The following WDR70 variants were observed in gnomAD, a reference collection of about 807,000 sequenced individuals.
The protein encoded by WDR70 is WD repeat domain 70.
In WDR70, 53 loss-of-function variants were observed where a neutral mutation model predicts 88.6. The ratio of observed to expected loss-of-function variants is 0.60; its 90% CI spans 0.48 to 0.75. WDR70 has a LOEUF of 0.75. Ranked by LOEUF, WDR70 falls within the 30% of genes least tolerant of loss-of-function variation. The pLI, the probability that WDR70 is intolerant of heterozygous loss-of-function variation, is 0.00. For missense variants in WDR70, 610 were observed against 823.2 expected, an observed-to-expected ratio of 0.74 and a Z score of 3.17; for synonymous variants, 280 against 270.0, an observed-to-expected ratio of 1.04 and a Z score of -0.36.
At chr5:37,730,572 A>T (rs1748118052) in intron 17 of WDR70, among the ~76,000 whole-genome samples, 1 of 152,236 alleles carries the variant, frequency 6.6e-6, no homozygotes, top group African/African-American at 2.4e-5. Flanking sequence ...GTACGAATTT[A>T]TCATAGTTAA....
intron 8 of WDR70, 112 bp from the exon 9 acceptor site, chr5:37,516,402 C>A: frequency 3.6e-6 from 2 of 550,374 alleles, no homozygotes; most frequent in East Asian, 3.0e-5. Context: ...AAATGGTGCC[C>A]TTTTGGGGGA....
In WDR70 at chr5:37,663,994, A is replaced by G. The variant is rs557128675; in HGVS notation, c.1093-33661A>G. On this transcript the variant is annotated intron_variant, in intron 10 of 17. Coordinates refer to ENST00000265107, the MANE Select transcript of WDR70 (RefSeq NM_018034.4). ...TAACTTTTTTTATTGCCAGGTTTCT[A>G]CCCAGAGTAGACTATATTTGCAACA... Among the ~76,000 whole-genome samples, 3 of 152,264 alleles carry G rather than the reference A, an allele frequency of 2.0e-5. No homozygotes were observed. The East Asian group carries it at 5.8e-4, about 29-fold the overall frequency.
chr5:37,436,428 G>T (rs1164671827), intron 5 of WDR70, among the ~76,000 whole-genome samples: 1 of 152,084 alleles, frequency 6.6e-6, no homozygotes, highest in African/African-American at 2.4e-5. Flanking sequence ...TAGCATTTCT[G>T]GCTTTTTCTG....
intron 9 of WDR70, among the ~76,000 whole-genome samples, chr5:37,518,689 T>G (rs1740972051): frequency 6.6e-6 from 1 of 151,716 alleles, no homozygotes; most frequent in African/African-American, 2.4e-5. Flanking sequence ...TCTTTTTTTT[T>G]TTTTTTTTTT....
chr5:37,588,806 C>G (rs1743439317), intron 9 of WDR70, among the ~76,000 whole-genome samples: 1 of 151,890 alleles, frequency 6.6e-6, no homozygotes, highest in Non-Finnish European at 1.5e-5. Context: ...TTCTGTCACC[C>G]AGGTTAGAGT....
chr5:37,630,807 G>T (rs1744793418), intron 10 of WDR70, among the ~76,000 whole-genome samples: 1 of 152,200 alleles, frequency 6.6e-6, no homozygotes, highest in Non-Finnish European at 1.5e-5. Flanking sequence ...CATTCCAGAG[G>T]TGCCTCAGGT....
chr5:37,393,345 A>G (rs1393419376), intron 4 of WDR70, among the ~76,000 whole-genome samples: 8 of 152,002 alleles, frequency 5.3e-5, no homozygotes, highest in Admixed American at 5.2e-4. Flanking sequence ...CAGCGTTATT[A>G]TTCTTTTTTT....
chr5:37,524,149 G>T (rs1393654591), intron 9 of WDR70, among the ~76,000 whole-genome samples: 2 of 152,064 alleles, frequency 1.3e-5, no homozygotes, highest in East Asian at 3.9e-4. Context: ...GATACTCCTC[G>T]AGAAGAGCAA....
At chr5:37,709,615 A>G (rs1390200350) in intron 13 of WDR70, among the ~76,000 whole-genome samples, 1 of 144,494 alleles carries the variant, frequency 6.9e-6, no homozygotes, top group Non-Finnish European at 1.5e-5. Flanking sequence ...TTGCCAGTAC[A>G]TGTTTCTTTC....
intron 8 of WDR70, among the ~76,000 whole-genome samples, chr5:37,483,161 G>T: frequency 6.7e-6 from 1 of 149,190 alleles, no homozygotes; most frequent in African/African-American, 2.5e-5. Context: ...GGGGGATTTG[G>T]CAGGGTCACA....
At chr5:37,380,413 A>G (rs1012087087) in intron 2 of WDR70, among the ~76,000 whole-genome samples, 5 of 151,800 alleles carry the variant, frequency 3.3e-5, no homozygotes, top group African/African-American at 1.2e-4. Context: ...ATCTCGGCTC[A>G]CTGCAATCTC....
chr5:37,499,718 T>TA (rs1417829346), intron 8 of WDR70, among the ~76,000 whole-genome samples: 1 of 151,294 alleles, frequency 6.6e-6, no homozygotes, highest in Non-Finnish European at 1.5e-5. Flanking sequence ...CGCTCCTGGC[T>TA]AATGTTTTGT....
At position 37,503,685 on chromosome 5, in the gene WDR70, T is replaced by A. The variant is rs544438091; in HGVS notation, c.841-12829T>A. 4.6e-5 allele frequency among the ~76,000 whole-genome samples: 7 copies of A among 152,344 alleles called. No individual in the cohort carries two copies. The East Asian group carries it at 1.3e-3, about 29-fold the overall frequency. ...ATCTTTTGGAATAGTTTCAGTAGGA[T>A]TGGCACCACTTCTTCTTAGAAGGTG... is the stretch of plus-strand genomic sequence containing the variant. On this transcript the variant is annotated intron_variant, in intron 8 of 17. Coordinates refer to ENST00000265107, the MANE Select transcript of WDR70 (RefSeq NM_018034.4).
intron 9 of WDR70, among the ~76,000 whole-genome samples, chr5:37,573,874 C>A (rs1561907816): frequency 6.6e-6 from 1 of 152,162 alleles, no homozygotes; most frequent in African/African-American, 2.4e-5. Context: ...GGCTTCTCAG[C>A]AACCCTCAGC....
At chr5:37,514,344 ATATATATATATATATG>A (rs1408415931) in intron 8 of WDR70, among the ~76,000 whole-genome samples, 1 of 69,722 alleles carries the variant, frequency 1.4e-5, no homozygotes, top group South Asian at 7.3e-4. Context: ...AACTACATAT[ATATATATATATATATG>A]TATGTATGTA....
In WDR70 at chr5:37,550,659, A is replaced by G. The variant is rs146900228; in HGVS notation, c.917+34069A>G. On this transcript the variant is annotated intron_variant, in intron 9 of 17. Coordinates refer to ENST00000265107, the MANE Select transcript of WDR70 (RefSeq NM_018034.4). Reference sequence around the variant, plus strand: ...GGGAGGTGTGTTTCCTGTAGTCAGCAGATCAGTGAGTCTTGTTCTTTTATC... The same window carrying G: ...GGGAGGTGTGTTTCCTGTAGTCAGCGGATCAGTGAGTCTTGTTCTTTTATC... 9.6e-4 allele frequency among the ~76,000 whole-genome samples: 146 copies of G among 152,304 alleles called. 1 individual carries two copies. The highest frequency in any genetic ancestry group is 3.3e-3 in the African/African-American group (137 of 41,572).
intron 9 of WDR70, among the ~76,000 whole-genome samples, chr5:37,558,067 C>G (rs1003121570): frequency 6.6e-6 from 1 of 150,596 alleles, no homozygotes. Context: ...CTCTTTTACT[C>G]TAAATATGCC....
At chr5:37,724,178 T>G (rs1480244031) in intron 15 of WDR70, 5 of 152,150 alleles carry the variant, frequency 3.3e-5, no homozygotes, top group African/African-American at 1.2e-4. Flanking sequence ...ATTTAATACT[T>G]CCCCTAATAA....
At chr5:37,636,987 G>C (rs1441433277) in intron 10 of WDR70, among the ~76,000 whole-genome samples, 1 of 152,148 alleles carries the variant, frequency 6.6e-6, no homozygotes, top group Admixed American at 6.5e-5. Flanking sequence ...AGGGGAAGCT[G>C]TGATATGGAC....
Sources: allele counts gnomAD v4.1 joint callset (sites outside exome capture counted in the v4.1 genomes callset), GRCh38; gene constraint gnomAD v4.1.1; transcripts MANE v1.5; gene names NCBI Gene and HGNC (gene_info 2026-07-23, HGNC 2026-07-21).